ASMTL: variants seen among roughly 807,000 people sequenced by gnomAD.
ASMTL encodes the protein acetylserotonin O-methyltransferase like.
Under a neutral mutation model 60.3 loss-of-function variants are expected in ASMTL, and 57 were observed. The ratio of observed to expected loss-of-function variants is 0.95; its 90% confidence interval spans 0.76 to 1.18. ASMTL has a LOEUF of 1.18. Among genes scored for constraint, ASMTL ranks in the 50% most tolerant of loss-of-function variants. The pLI, the probability that ASMTL is intolerant of heterozygous loss-of-function variation, is 0.00. For missense variants in ASMTL, 981 were observed against 852.6 expected, an observed-to-expected ratio of 1.15 and a Z score of -1.88; for synonymous variants, 419 against 373.0, an observed-to-expected ratio of 1.12 and a Z score of -1.42.
intron 11 of ASMTL, among the ~76,000 whole-genome samples, chrX:1,417,726 A>G (rs2090344709): frequency 1.3e-5 from 2 of 148,310 alleles, no homozygotes; most frequent in Non-Finnish European, 3.0e-5. Context: ...ATGCAGACAC[A>G]CACACACACA....
At chrX:1,419,532 A>C (rs1277488468) in intron 9 of ASMTL, among the ~76,000 whole-genome samples, 76 of 152,060 alleles carry the variant, frequency 5.0e-4, no homozygotes, top group African/African-American at 1.7e-3. Flanking sequence ...TGCGGTGTGC[A>C]GAGGGGGCTC....
intron 2 of ASMTL, among the ~76,000 whole-genome samples, chrX:1,441,362 C>T (rs1449500395): frequency 2.0e-5 from 3 of 151,996 alleles, no homozygotes; most frequent in African/African-American, 4.8e-5. Context: ...CTGCAACTTC[C>T]GTCTCCCAGG....
At chrX:1,434,584 A>C (rs749705531) in intron 5 of ASMTL, among the ~76,000 whole-genome samples, 6 of 151,364 alleles carry the variant, frequency 4.0e-5, no homozygotes, top group Admixed American at 1.3e-4. Context: ...CGGGTGGATC[A>C]CCTGAGGTCA....
chrX:1,410,992 C>G (rs1246643577), intron 12 of ASMTL, among the ~76,000 whole-genome samples: 1 of 151,716 alleles, frequency 6.6e-6, no homozygotes. Context: ...TCGAGACCAG[C>G]CTGACCAACA....
chrX:1,405,897 T>C (rs1210134748), intron 12 of ASMTL, among the ~76,000 whole-genome samples: 1 of 150,378 alleles, frequency 6.6e-6, no homozygotes, highest in African/African-American at 2.5e-5. Context: ...GATGGGTGAA[T>C]AGATGGTAGA....
chrX:1,418,039 T>C lies in ASMTL; in HGVS notation c.1456A>G (p.Ile486Val), dbSNP rs369348687. The change falls in exon 11 of 13, where the codon ATT becomes GTT. Residue 486 changes from isoleucine to valine, a missense_variant. By Grantham distance (29) the Ile-to-Val change is conservative. Coordinates refer to ENST00000381317, the MANE Select transcript of ASMTL (RefSeq NM_004192.4). ...MQVTVFDLPD[I>V]IELAAHFQPP... Reference sequence around the variant, plus strand: ...TGGAAGTGGGCGGCCAGCTCGATAATGTCTGGGAGGTCAAACACAGTCACC... The same window carrying C: ...TGGAAGTGGGCGGCCAGCTCGATAACGTCTGGGAGGTCAAACACAGTCACC... 9 of 1,613,392 alleles carry C rather than the reference T, an allele frequency of 5.6e-6. No individual in the cohort carries two copies. Among genetic ancestry groups the C allele is most frequent in the Non-Finnish European group, 6.8e-6 (8 of 1,179,640 alleles).
chrX:1,404,632 T>C lies in ASMTL; in HGVS notation c.1646-1143A>G, dbSNP rs1169118604. On this transcript the variant is annotated intron_variant, in intron 12 of 12. Coordinates refer to ENST00000381317, the MANE Select transcript of ASMTL (RefSeq NM_004192.4). ...GTAGGTAGGTAGACGAATGGACGGA[T>C]AGATGGATGCATGGATGAGATGGAT... Among the ~76,000 whole-genome samples, 30 of 150,802 alleles carry C rather than the reference T, an allele frequency of 2.0e-4. 1 individual carries two copies. Among genetic ancestry groups the C allele is most frequent in the African/African-American group, 7.1e-4 (29 of 40,760 alleles).
intron 1 of ASMTL, among the ~76,000 whole-genome samples, chrX:1,451,110 G>A (rs755220254): frequency 4.2e-5 from 5 of 119,640 alleles, no homozygotes; most frequent in Non-Finnish European, 6.3e-5. Flanking sequence ...ATCCCTAGGC[G>A]GTCCTGGATC....
intron 6 of ASMTL, chrX:1,432,008 G>A: frequency 1.8e-6 from 1 of 552,270 alleles, no homozygotes; most frequent in Non-Finnish European, 3.2e-6. Flanking sequence ...CCCCTGCCCA[G>A]CGCCTCCCCA....
At chrX:1,434,500 A>AG (rs2090908082) in intron 5 of ASMTL, among the ~76,000 whole-genome samples, 2 of 149,438 alleles carry the variant, frequency 1.3e-5, no homozygotes, top group Admixed American at 6.7e-5. Context: ...AAAAAAAAAA[A>AG]AAAGAAAGAA....
rs754174114 is a variant in ASMTL, at chrX:1,419,062, TGCATGGCCC to T, written c.1289_1297del (p.Arg430_Met432del). On this transcript the variant is annotated inframe_deletion, in exon 10 of 13. Coordinates refer to ENST00000381317, the MANE Select transcript of ASMTL (RefSeq NM_004192.4). Reference sequence around the variant, plus strand: ...GCACGCAGTCAGCTTCGTCATGCCGTGCATGGCCCGCATGAACCTCAGCCGCGTCTCCGG... The same window carrying T: ...GCACGCAGTCAGCTTCGTCATGCCGTGCATGAACCTCAGCCGCGTCTCCGG... 25 of 1,611,274 alleles carry T rather than the reference TGCATGGCCC, an allele frequency of 1.6e-5. 2 individuals are homozygous for T. In the Admixed American group the frequency reaches 4.2e-4, roughly 27 times the overall value.
intron 12 of ASMTL, among the ~76,000 whole-genome samples, chrX:1,410,983 C>G (rs751183415): frequency 6.6e-6 from 1 of 151,578 alleles, no homozygotes; most frequent in Non-Finnish European, 1.5e-5. Flanking sequence ...GTTGGGAGTT[C>G]GAGACCAGCC....
At chrX:1,417,570 GCACA>G (rs60324430) in intron 11 of ASMTL, among the ~76,000 whole-genome samples, 102,160 of 148,356 alleles carry the variant, frequency 0.69, 35,072 homozygotes, top group South Asian at 0.84. Context: ...ACAGTCATAT[GCACA>G]CAGACACCCA....
intron 8 of ASMTL, among the ~76,000 whole-genome samples, chrX:1,424,169 C>T: frequency 6.9e-6 from 1 of 144,422 alleles, no homozygotes; most frequent in South Asian, 2.3e-4. Context: ...CTCATCCATC[C>T]ATCCATCCAC....
At chrX:1,418,643 C>T (rs1228551540) in intron 10 of ASMTL, among the ~76,000 whole-genome samples, 19 of 152,018 alleles carry the variant, frequency 1.2e-4, no homozygotes, top group Non-Finnish European at 5.9e-5. Flanking sequence ...GGGAATGTGT[C>T]TACTGCTCCA....
chrX:1,406,881 G>T (rs1200213808), intron 12 of ASMTL, among the ~76,000 whole-genome samples: 2 of 151,288 alleles, frequency 1.3e-5, no homozygotes, highest in African/African-American at 4.9e-5. Flanking sequence ...TGGATGGATG[G>T]GTGAATAGAT....
chrX:1,430,263 C>T lies in ASMTL; in HGVS notation c.509+2006G>A, dbSNP rs752335687. 1.8e-3 allele frequency among the ~76,000 whole-genome samples: 278 copies of T among 152,198 alleles called. 2 individuals carry two copies. Among genetic ancestry groups the T allele is most frequent in the African/African-American group, 5.7e-3 (235 of 41,534 alleles). On this transcript the variant is annotated intron_variant, in intron 6 of 12. Coordinates refer to ENST00000381317, the MANE Select transcript of ASMTL (RefSeq NM_004192.4). ...CTGACCTCAGGTGATCCGCCTGCCT[C>T]GGCCTCCCAAAGTATTGGGATGACA...
chrX:1,406,392 GTAGATGAA>G (rs2089843203), intron 12 of ASMTL, among the ~76,000 whole-genome samples: 1 of 149,612 alleles, frequency 6.7e-6, no homozygotes, highest in African/African-American at 2.5e-5. Context: ...GGGTAGGTAG[GTAGATGAA>G]TGGATGGATA....
At chrX:1,442,476 G>A (rs2091130136) in intron 1 of ASMTL, 159 bp from the exon 2 acceptor site, 6 of 332,922 alleles carry the variant, frequency 1.8e-5, no homozygotes, top group Non-Finnish European at 2.6e-5. Context: ...AAGTGTGGCT[G>A]GGGAGCCGGG....
Sources: gnomAD v4.1 joint callset for allele counts (sites outside exome capture counted in the v4.1 genomes callset) on GRCh38, gnomAD v4.1.1 for gene constraint, MANE v1.5 for transcripts, NCBI Gene and HGNC (gene_info 2026-07-23, HGNC 2026-07-21) for gene names.